ENPP2: variants seen among roughly 807,000 people sequenced by gnomAD.
The protein encoded by ENPP2 is autotaxin.
ENPP2 carries 51 observed loss-of-function variants against 120.2 expected under a neutral mutation model. That is an observed-to-expected ratio of 0.42 (90% confidence interval 0.34 to 0.54). The LOEUF is 0.54. Among genes scored for constraint, ENPP2 ranks in the 20% least tolerant of loss-of-function variants. ENPP2 has a pLI of 0.04. For synonymous variants in ENPP2, 365 were observed against 366.4 expected (o/e 1.00, Z 0.04); for missense variants, 920 against 1,066.5 (o/e 0.86, Z 1.91).
rs369487692 is a variant in ENPP2 at position 119,645,952 on chromosome 8, A to T, written c.22-7425T>A. On this transcript the variant is annotated intron_variant, in intron 1 of 25. Transcript: ENST00000427067. ...CCAGAAAGCCCTAAACAATATGCAA[A>T]TCTAATGATTTTCCTTCTAAACTTT... 5.9e-5 allele frequency among the ~76,000 whole-genome samples: 9 copies of T among 151,976 alleles called. No homozygotes were observed. In the East Asian group the frequency reaches 7.8e-4, roughly 13 times the overall value.
chr8:119,563,986 T>G (rs1419270909), intron 23 of ENPP2, among the ~76,000 whole-genome samples: 1 of 150,984 alleles, frequency 6.6e-6, no homozygotes, highest in Non-Finnish European at 1.5e-5. Context: ...GTTGACAAAT[T>G]CAGAATGTTG....
chr8:119,646,089 C>T (rs1230992986), intron 1 of ENPP2, among the ~76,000 whole-genome samples: 1 of 151,866 alleles, frequency 6.6e-6, no homozygotes, highest in African/African-American at 2.4e-5. Context: ...CTGCCTCAGC[C>T]TCTCAAGTAG....
Position 119,621,447 on chromosome 8 carries a change from T to C in ENPP2, c.365A>G (p.Glu122Gly), listed in dbSNP as rs201094384. The C allele has an allele frequency of 1.4e-4, 225 of 1,613,440 alleles. No individual in the cohort carries two copies. The highest frequency in any genetic ancestry group is 1.8e-5 in the Non-Finnish European group (21 of 1,179,552). The stretch of plus-strand genomic sequence containing the variant: ...GCAGTCTCCCCTGGCCAAGCAGTCC[T>C]CTGAGCAGTGACAGGCATTTTCTTC... ...RNEENACHCSEDCLARGDCCT... is the reference protein window; with the variant it reads ...RNEENACHCSGDCLARGDCCT... The change falls in exon 4 of 25, where the codon GAG (glutamate) becomes GGG (glycine). Residue 122 changes from glutamate (E) to glycine (G), a missense_variant. Glu to Gly is a moderately conservative substitution (Grantham distance 98, BLOSUM62 -2). Coordinates refer to ENST00000075322, the MANE Select transcript of ENPP2 (RefSeq NM_001040092.3).
At chr8:119,596,126 G>A in intron 11 of ENPP2, 2 of 778,646 alleles carry the variant, frequency 2.6e-6, no homozygotes, top group Non-Finnish European at 4.0e-6. Flanking sequence ...CCTTAAGTGA[G>A]AAAAAATTGG....
chr8:119,667,546 C>A (rs1818109094), intron 1 of ENPP2, among the ~76,000 whole-genome samples: 1 of 152,184 alleles, frequency 6.6e-6, no homozygotes, highest in South Asian at 2.1e-4. Flanking sequence ...AATATCCGTA[C>A]CCATCTTTCC....
Position 119,622,705 on chromosome 8 carries a change from C to T in ENPP2, c.293-1186G>A, listed in dbSNP as rs116275247. Among the ~76,000 whole-genome samples the T allele has an allele frequency of 4.8e-3, 737 of 152,080 alleles. 6 individuals carry two copies. The highest frequency in any genetic ancestry group is 0.017 in the African/African-American group (709 of 41,468). On this transcript the variant is annotated intron_variant, in intron 3 of 24. Transcript: ENST00000075322. Reference sequence around the variant, plus strand: ...ATGTATTAAATTGAATTGGAAATGACCATGGAGATAAAATATAACTCTTTA... The same window carrying T: ...ATGTATTAAATTGAATTGGAAATGATCATGGAGATAAAATATAACTCTTTA...
At chr8:119,617,074 G>A in intron 7 of ENPP2, 90 bp downstream of exon 7, 1 of 836,216 alleles carries the variant, frequency 1.2e-6, no homozygotes, top group Non-Finnish European at 2.0e-6. Flanking sequence ...GAACACTAAG[G>A]AACACGTTTT....
At chr8:119,618,118 C>T in intron 5 of ENPP2, 2 of 343,476 alleles carry the variant, frequency 5.8e-6, no homozygotes, top group South Asian at 4.5e-5. Flanking sequence ...AGTCATGAAA[C>T]ATTTCTGTTT....
At chr8:119,609,706 T>C (rs1297891890) in intron 8 of ENPP2, among the ~76,000 whole-genome samples, 1 of 152,202 alleles carries the variant, frequency 6.6e-6, no homozygotes, top group Non-Finnish European at 1.5e-5. Flanking sequence ...TTAAGGGATC[T>C]ATTTTCATAC....
At chr8:119,671,071 GAGGTCA>G (rs1397861265) in intron 1 of ENPP2, among the ~76,000 whole-genome samples, 2 of 149,124 alleles carry the variant, frequency 1.3e-5, no homozygotes, top group African/African-American at 2.5e-5. Flanking sequence ...CAGATCACTT[GAGGTCA>G]AGAGTTCAAA....
rs759827299 is a variant in ENPP2 at position 119,580,183 on chromosome 8, C to T, written c.1729-16G>A. 1.2e-6 allele frequency: 2 copies of T among 1,606,364 alleles called. No individual in the cohort carries two copies. The highest frequency in any genetic ancestry group is 1.7e-5 in the Admixed American group (1 of 59,982). ...CCAACTTGTTCTTCATGTGTGAAAA[C>T]CAGTAAAGGAAAAAAGAAAGCAAAT... On this transcript the variant is annotated splice_polypyrimidine_tract_variant and intron_variant, in intron 18 of 24. Coordinates refer to ENST00000075322, the MANE Select transcript of ENPP2 (RefSeq NM_001040092.3).
intron 3 of ENPP2, among the ~76,000 whole-genome samples, chr8:119,622,466 C>T (rs1587506893): frequency 1.3e-5 from 2 of 152,346 alleles, no homozygotes; most frequent in South Asian, 4.1e-4. Context: ...TCCCTCTGAA[C>T]ATACCTGATT....
At chr8:119,608,785 C>T (rs1017300694) in intron 8 of ENPP2, among the ~76,000 whole-genome samples, 2 of 152,148 alleles carry the variant, frequency 1.3e-5, no homozygotes, top group African/African-American at 2.4e-5. Context: ...TAGGATTATT[C>T]TAAGCTTTAA....
intron 24 of ENPP2, among the ~76,000 whole-genome samples, chr8:119,558,455 C>T (rs535482011): frequency 3.3e-5 from 5 of 151,918 alleles, no homozygotes; most frequent in East Asian, 1.9e-4. Flanking sequence ...CAAGGAAACA[C>T]GGAAAAAAGA....
intron 1 of ENPP2, among the ~76,000 whole-genome samples, chr8:119,659,320 TAAAAAAA>T (rs750701293): frequency 6.2e-5 from 4 of 64,890 alleles, no homozygotes; most frequent in Non-Finnish European, 1.4e-4. Flanking sequence ...CTGTCTCAAT[TAAAAAAA>T]AAAAAAAAAA....
At chr8:119,565,998 C>A (rs1190777214) in intron 22 of ENPP2, among the ~76,000 whole-genome samples, 2 of 152,192 alleles carry the variant, frequency 1.3e-5, no homozygotes, top group African/African-American at 4.8e-5. Flanking sequence ...TACTTCCTAC[C>A]CCTTTCCCTA....
At chr8:119,608,650 C>A (rs1024183576) in intron 8 of ENPP2, among the ~76,000 whole-genome samples, 11 of 152,198 alleles carry the variant, frequency 7.2e-5, no homozygotes, top group Admixed American at 7.2e-4. Context: ...CTGGGCTCTG[C>A]AATCAGACAG....
intron 23 of ENPP2, 102 bp downstream of exon 23, chr8:119,564,721 A>C (rs947213783): frequency 3.8e-6 from 3 of 799,896 alleles, no homozygotes; most frequent in Non-Finnish European, 5.5e-6. Flanking sequence ...CAAAAAACTT[A>C]AGGGGTGTCA....
At chr8:119,661,152 A>G (rs180946370) in intron 1 of ENPP2, among the ~76,000 whole-genome samples, 1 of 151,526 alleles carries the variant, frequency 6.6e-6, no homozygotes, top group Non-Finnish European at 1.5e-5. Context: ...AACATCACAC[A>G]CTGGGGCCTG....
Sources: allele counts gnomAD v4.1 joint callset (sites outside exome capture counted in the v4.1 genomes callset), GRCh38; gene constraint gnomAD v4.1.1; transcripts MANE v1.5; gene names NCBI Gene and HGNC (gene_info 2026-07-23, HGNC 2026-07-21).